Variants in FUT8 observed in about 807,000 individuals in gnomAD.
FUT8 encodes the protein alpha-(1,6)-fucosyltransferase.
A neutral mutation model predicts 71.3 loss-of-function variants in FUT8; 29 were observed. That is an observed-to-expected ratio of 0.41 (90% CI 0.30 to 0.55). The LOEUF is 0.55. Ranked by LOEUF, FUT8 falls within the 20% of genes least tolerant of loss-of-function variation. The pLI, the probability that FUT8 is intolerant of heterozygous loss-of-function variation, is 0.34. For missense variants in FUT8, 544 were observed against 702.1 expected (o/e 0.77, Z 2.55); for synonymous variants, 254 against 239.3 (o/e 1.06, Z -0.57).
At chr14:65,409,763 C>T (rs1440727207), upstream of FUT8, among the ~76,000 whole-genome samples, 1 of 152,166 alleles carries the variant, frequency 6.6e-6, no homozygotes. The surrounding 1 kb of genome is among the most constrained non-coding windows in gnomAD (Gnocchi z 5.4). Context: ...TTGACCGAGG[C>T]TATATACAAG....
upstream of FUT8, chr14:65,410,601 G>A (rs1196253406): frequency 6.9e-6 from 1 of 145,044 alleles, no homozygotes; most frequent in African/African-American, 2.6e-5. Flanking sequence ...TTTTCAGTTG[G>A]AAGGAGGTAG....
intron 2 of FUT8, among the ~76,000 whole-genome samples, chr14:65,515,190 G>A (rs1347632653): frequency 6.6e-6 from 1 of 152,094 alleles, no homozygotes; most frequent in Non-Finnish European, 1.5e-5. Flanking sequence ...AAATTTGTGA[G>A]TTTTGCTGTG....
rs188478167 is a variant in FUT8, at chr14:65,607,099, G to T, written c.204-8879G>T. Among the ~76,000 whole-genome samples, 68 of 151,904 alleles carry T rather than the reference G, an allele frequency of 4.5e-4. No homozygotes were observed. Among genetic ancestry groups the T allele is most frequent in the African/African-American group, 1.5e-3 (64 of 41,496 alleles). On this transcript the variant is annotated intron_variant, in intron 3 of 10. Coordinates refer to ENST00000673929, the MANE Select transcript of FUT8 (RefSeq NM_001371533.1). This position sits in a 1 kb window ranked among gnomAD's most constrained non-coding sequence, Gnocchi z 4.1. ...TGATGTCCCTGAACTTTATTAGTACGATTTGTAGATTATCTTGGATTTTCT... is the reference window on the plus strand; with the variant it reads ...TGATGTCCCTGAACTTTATTAGTACTATTTGTAGATTATCTTGGATTTTCT...
At chr14:65,457,100 T>C (rs1024047216) in intron 2 of FUT8, among the ~76,000 whole-genome samples, 1 of 152,186 alleles carries the variant, frequency 6.6e-6, no homozygotes, top group African/African-American at 2.4e-5. Flanking sequence ...ATAATCACCC[T>C]ATTGATCTAT....
intron 1 of FUT8, among the ~76,000 whole-genome samples, chr14:65,448,187 C>T (rs929580310): frequency 6.6e-6 from 1 of 151,976 alleles, no homozygotes; most frequent in Admixed American, 6.6e-5. Context: ...GGAAGTGGAG[C>T]TGGTACTAGA....
intron 1 of FUT8, among the ~76,000 whole-genome samples, chr14:65,441,376 T>C (rs1267530870): frequency 6.6e-6 from 1 of 152,232 alleles, no homozygotes; most frequent in Non-Finnish European, 1.5e-5. Context: ...TGTTGATAAT[T>C]ATTAAAAAAT....
chr14:65,465,822 T>C (rs1566764377), intron 2 of FUT8, among the ~76,000 whole-genome samples: 1 of 152,246 alleles, frequency 6.6e-6, no homozygotes, highest in Non-Finnish European at 1.5e-5. Context: ...CTATGATACC[T>C]TCCTGATTTT....
intron 7 of FUT8, among the ~76,000 whole-genome samples, chr14:65,680,348 A>G (rs997437023): frequency 1.3e-5 from 2 of 152,204 alleles, no homozygotes; most frequent in East Asian, 1.9e-4. Context: ...ATTTATGTCT[A>G]TGATCTCTCT....
intron 2 of FUT8, among the ~76,000 whole-genome samples, chr14:65,482,628 T>A (rs931647879): frequency 2.0e-5 from 3 of 152,192 alleles, no homozygotes; most frequent in African/African-American, 7.2e-5. Flanking sequence ...TATGGCTTTA[T>A]AAGTCATGAA....
the FUT8 span, among the ~76,000 whole-genome samples, chr14:65,402,398 G>A: frequency 6.6e-6 from 1 of 151,842 alleles, no homozygotes; most frequent in Non-Finnish European, 1.5e-5. Context: ...GCTGGGCGTG[G>A]TGGCTCACAC....
intron 3 of FUT8, among the ~76,000 whole-genome samples, 158 bp downstream of exon 3, chr14:65,561,924 C>A (rs1174184176): frequency 1.3e-5 from 2 of 152,114 alleles, no homozygotes; most frequent in Non-Finnish European, 2.9e-5. Context: ...GTATTTAATA[C>A]AGAACAAGCT....
At chr14:65,511,278 A>G (rs1882321515) in intron 2 of FUT8, among the ~76,000 whole-genome samples, 1 of 151,806 alleles carries the variant, frequency 6.6e-6, no homozygotes, top group South Asian at 2.1e-4. Flanking sequence ...GATGTTTGAC[A>G]CTATGTGGGT....
rs981867015 is a variant in FUT8 at position 65,412,875 on chromosome 14, C to A, written c.-665C>A. 1 of 157,600 alleles carries A rather than the reference C, an allele frequency of 6.3e-6. No individual in the cohort carries two copies. The highest frequency in any genetic ancestry group is 1.4e-5 in the Non-Finnish European group (1 of 71,912). 9.8% of individuals were successfully genotyped at this position (157,600 alleles called of 1,614,324 possible). On this transcript the variant is annotated 5_prime_UTR_variant, in exon 1 of 11. Coordinates refer to ENST00000673929, the MANE Select transcript of FUT8 (RefSeq NM_001371533.1). ...GGCCCCCTCCCCATCCCACCCCCGC[C>A]GCCTGGCCCCAGCCGACCCGTCCCT...
rs1013328710 is a variant in FUT8 at position 65,742,438 on chromosome 14, A to T, written c.*28A>T. 1 of 1,590,912 alleles carries T rather than the reference A, an allele frequency of 6.3e-7. No homozygotes were observed. The highest frequency in any genetic ancestry group is 1.7e-5 in the Admixed American group (1 of 57,778). ...CTCAGATGGAAGAGATAAACGACCA[A>T]ACTCAGTTCGACCAAACTCAGTTCA... On this transcript the variant is annotated 3_prime_UTR_variant, in exon 11 of 11. Transcript: ENST00000673929.
intron 1 of FUT8, among the ~76,000 whole-genome samples, chr14:65,416,630 C>T (rs1392473887): frequency 6.6e-6 from 1 of 151,970 alleles, no homozygotes; most frequent in Admixed American, 6.6e-5. Context: ...TTTTACATTG[C>T]AGCTTGTTAT....
chr14:65,600,829 C>T (rs1888253921), intron 3 of FUT8, among the ~76,000 whole-genome samples: 1 of 152,094 alleles, frequency 6.6e-6, no homozygotes, highest in African/African-American at 2.4e-5. Context: ...AATTATTAAT[C>T]ACTCATTGCC....
chr14:65,361,987 C>A, the FUT8 span, among the ~76,000 whole-genome samples: 2 of 152,136 alleles, frequency 1.3e-5, no homozygotes, highest in African/African-American at 2.4e-5. Flanking sequence ...TTCTTTCACT[C>A]CAGAACTTGT....
rs752085418 is a variant in FUT8, at chr14:65,743,511, C to T, written c.*1101C>T. ...TAGTCTTTCTTAATGTATTTATTAT[C>T]GCTTTTTGTGAGTAGGGTCCTGTTT... On this transcript the variant is annotated 3_prime_UTR_variant, in exon 11 of 11. Coordinates refer to ENST00000673929, the MANE Select transcript of FUT8 (RefSeq NM_001371533.1). 5 of 151,964 alleles carry T rather than the reference C, an allele frequency of 3.3e-5. No homozygotes were observed. Among genetic ancestry groups the T allele is most frequent in the Admixed American group, 2.0e-4 (3 of 15,238 alleles). The allele number at this position is 151,964 out of a possible 1,614,324, so 9.4% of individuals were successfully genotyped here. A position where few individuals can be genotyped will look rare whatever the true frequency, so the allele number is the denominator to read the frequency against.
At chr14:65,616,528 A>G (rs1238330635) in intron 5 of FUT8, among the ~76,000 whole-genome samples, 155 bp downstream of exon 5, 1 of 152,218 alleles carries the variant, frequency 6.6e-6, no homozygotes, top group Non-Finnish European at 1.5e-5. Context: ...AAAGGATGGT[A>G]ATTGCCAAGT....
Sources: gnomAD v4.1 joint callset for allele counts (sites outside exome capture counted in the v4.1 genomes callset) on GRCh38, gnomAD v4.1.1 for gene constraint, Gnocchi (gnomAD v3.1) non-coding constraint, MANE v1.5 for transcripts, NCBI Gene and HGNC (gene_info 2026-07-23, HGNC 2026-07-21) for gene names.